GRIN2C: variants seen among roughly 807,000 people sequenced by gnomAD.
The protein encoded by GRIN2C is glutamate ionotropic receptor NMDA type subunit 2C, also known as glutamate receptor ionotropic, NMDA 2C.
In GRIN2C, 64 loss-of-function variants were observed where a neutral mutation model predicts 77.7. The observed-to-expected ratio is 0.82, with a 90% CI of 0.67 to 1.01. The LOEUF is 1.01. GRIN2C is among the 50% of genes least tolerant of loss of function. The pLI is 0.00. For synonymous variants in GRIN2C, 792 were observed against 643.4 expected (o/e 1.23, Z -3.49); for missense variants, 1,549 against 1,486.0 (o/e 1.04, Z -0.70).
chr17:74,851,060 C>G (rs1408697456), intron 4 of GRIN2C: 1 of 497,322 alleles, frequency 2.0e-6, no homozygotes, highest in Admixed American at 3.3e-5. Context: ...CCTTCATGCT[C>G]CAAACCCTTC....
intron 7 of GRIN2C, 104 bp from the exon 8 acceptor site, chr17:74,848,081 C>T: frequency 7.6e-7 from 1 of 1,316,704 alleles, no homozygotes; most frequent in Non-Finnish European, 1.1e-6. Flanking sequence ...AAGTAGGGGC[C>T]CACCAGCTCT....
At position 74,852,364 on chromosome 17, in the gene GRIN2C, A is replaced by T; in HGVS notation, c.647T>A (p.Leu216Gln). The T allele has an allele frequency of 6.9e-7, 1 of 1,451,264 alleles. No homozygotes were observed. Among genetic ancestry groups the T allele is most frequent in the Non-Finnish European group, 9.0e-7 (1 of 1,109,876 alleles). The allele number at this position is 1,451,264 out of a possible 1,614,324, so 89.9% of individuals were successfully genotyped here. ...GGPRARTQRLLRQLDAPVFVA... is the reference protein window; with the variant it reads ...GGPRARTQRLQRQLDAPVFVA... ...AAACACGGGCGCGTCGAGCTGGCGC[A>T]GCAGGCGCTGCGTGCGCGCGCGCGG... Residue 216 changes from leucine (L) to glutamine (Q), a missense_variant, in exon 3 of 13, where the codon CTG (leucine) becomes CAG (glutamine). This residue lies in a region of GRIN2C where 382 missense variants were observed against 360.0 expected (regional missense o/e 1.06). Coordinates refer to ENST00000293190, the MANE Select transcript of GRIN2C (RefSeq NM_000835.6).
intron 4 of GRIN2C, chr17:74,851,007 C>A (rs1276291618): frequency 1.7e-6 from 1 of 578,778 alleles, no homozygotes; most frequent in Non-Finnish European, 3.1e-6. Context: ...TGTACTGGTC[C>A]CCCCTGACTT....
rs764397859 is a variant in GRIN2C, at chr17:74,854,971, G to A, written c.122C>T (p.Pro41Leu). 1.7e-5 allele frequency: 27 copies of A among 1,611,042 alleles called. No homozygotes were observed. Among genetic ancestry groups the A allele is most frequent in the East Asian group, 1.3e-4 (6 of 44,882 alleles). Residue 41 changes from proline to leucine, a missense_variant, in exon 2 of 13, where the codon CCG (proline) becomes CTG (leucine). Physicochemically the swap from Pro to Leu is moderately conservative, Grantham distance 98. This residue lies in a region of GRIN2C where 382 missense variants were observed against 360.0 expected (regional missense o/e 1.06). Transcript: ENST00000293190. The part of the protein sequence containing the change: ...TVAVVFSSSG[P>L]PQAQFRARLT... ...GCGGGCACGGAACTGGGCCTGGGGC[G>A]GCCCTGAGCTGCTAAACACCACGGC...
rs1038920513 is a variant in GRIN2C at position 74,846,182 on chromosome 17, A to G, written c.2234T>C (p.Leu745Pro). 50 of 1,614,086 alleles carry G rather than the reference A, an allele frequency of 3.1e-5. No individual in the cohort carries two copies. The highest frequency in any genetic ancestry group is 3.9e-5 in the Non-Finnish European group (46 of 1,180,020). Residue 745 changes from leucine to proline, a missense_variant, in exon 11 of 13, where the codon CTG becomes CCG. Physicochemically the swap from Leu to Pro is moderately conservative, Grantham distance 98. Around this residue, in one of 3 missense-constraint regions of GRIN2C, gnomAD observed 717 missense variants for 858.1 expected, o/e 0.84. Transcript: ENST00000293190. The surrounding 1 kb of genome is among the most constrained non-coding windows in gnomAD (Gnocchi z 4.4). ...YMAGKDEGCKLVTIGSGKVFA... is the reference protein window; with the variant it reads ...YMAGKDEGCKPVTIGSGKVFA... ...GACCTTGCCAGACCCAATGGTGACC[A>G]GCTTGCAGCCCTCGTCCTTGCCTGC...
chr17:74,858,467 G>A (rs2037874853), intron 1 of GRIN2C, among the ~76,000 whole-genome samples: 1 of 151,960 alleles, frequency 6.6e-6, no homozygotes, highest in African/African-American at 2.4e-5. Context: ...TAAGTCCCTG[G>A]GCTCCAAATA....
Position 74,852,138 on chromosome 17 carries a change from G to A in GRIN2C, c.873C>T (p.Asp291=), listed in dbSNP as rs1172282414. The A allele has an allele frequency of 6.9e-7, 1 of 1,457,140 alleles. No individual in the cohort carries two copies. Among genetic ancestry groups the A allele is most frequent in the Non-Finnish European group, 9.0e-7 (1 of 1,105,708 alleles). 90.3% of individuals were successfully genotyped at this position (1,457,140 alleles called of 1,614,324 possible). The change falls in exon 3 of 13, where the codon GAC becomes GAT. Residue 291 remains aspartate, a synonymous_variant. Transcript: ENST00000293190. ...CGCCCAGGGCCAGAATGGCCACGCC[G>A]TCGCGCACCTTCTGGCGCAGGCTGA... ...WRLSLRQKVR[D]GVAILALGAH...
In GRIN2C at chr17:74,851,623, G is replaced by A. The variant is rs868231916; in HGVS notation, c.1067C>T (p.Pro356Leu). 3.8e-6 allele frequency: 6 copies of A among 1,570,636 alleles called. No homozygotes were observed. The highest frequency in any genetic ancestry group is 4.3e-6 in the Non-Finnish European group (5 of 1,156,592). The change falls in exon 4 of 13, where the codon CCC becomes CTC. Residue 356 changes from proline to leucine, a missense_variant. Coordinates refer to ENST00000293190, the MANE Select transcript of GRIN2C (RefSeq NM_000835.6). ...SFSPGGYLVQ[P>L]TMVVIALNRH... Reference sequence around the variant, plus strand: ...GTTGAGGGCGATCACCACCATGGTGGGCTGGACCAGGTACCCACCAGGGCT... The same window carrying A: ...GTTGAGGGCGATCACCACCATGGTGAGCTGGACCAGGTACCCACCAGGGCT...
At chr17:74,854,349 T>A (rs569970495) in intron 2 of GRIN2C, 1 of 248,374 alleles carries the variant, frequency 4.0e-6, no homozygotes, top group Non-Finnish European at 7.7e-6. Flanking sequence ...CCAGAGGGCA[T>A]GGCACCACCT....
chr17:74,846,882 G>T lies in GRIN2C; in HGVS notation c.2040C>A (p.Phe680Leu). Residue 680 changes from phenylalanine to leucine, a missense_variant, in exon 10 of 13, where the codon TTC (phenylalanine) becomes TTA (leucine). Physicochemically the swap from Phe to Leu is conservative, Grantham distance 22. Coordinates refer to ENST00000293190, the MANE Select transcript of GRIN2C (RefSeq NM_000835.6). The surrounding 1 kb of genome is among the most constrained non-coding windows in gnomAD (Gnocchi z 4.4). ...RPQDQYPPFR[F>L]GTVPNGSTER... ...CCGTGCTGCCGTTGGGCACCGTGCC[G>T]AAGCGGAAAGGTGGGTACTGATCTT... 1 of 1,614,002 alleles carries T rather than the reference G, an allele frequency of 6.2e-7. No individual in the cohort carries two copies. Among genetic ancestry groups the T allele is most frequent in the Non-Finnish European group, 8.5e-7 (1 of 1,179,964 alleles).
Position 74,842,805 on chromosome 17 carries a change from T to A in GRIN2C, c.3332A>T (p.His1111Leu). 1 of 575,132 alleles carries A rather than the reference T, an allele frequency of 1.7e-6. No individual in the cohort carries two copies. Among genetic ancestry groups the A allele is most frequent in the Non-Finnish European group, 3.1e-6 (1 of 324,904 alleles). 35.6% of individuals were successfully genotyped at this position (575,132 alleles called of 1,614,324 possible). A position where few individuals can be genotyped will look rare whatever the true frequency, so the allele number is the denominator to read the frequency against. ...TGPACARPDG[H>L]SACRRLAQAQ... ...CTGCGCCAAGCGCCTGCAGGCCGAGTGGCCGTCGGGGCGGGCGCAGGCGGG... is the reference window on the plus strand; with the variant it reads ...CTGCGCCAAGCGCCTGCAGGCCGAGAGGCCGTCGGGGCGGGCGCAGGCGGG... The change falls in exon 13 of 13, where the codon CAC (histidine) becomes CTC (leucine). Residue 1111 changes from histidine (H) to leucine (L), a missense_variant. His to Leu is a moderately conservative substitution (Grantham distance 99). Around this residue, in one of 3 missense-constraint regions of GRIN2C, gnomAD observed 450 missense variants for 267.9 expected, o/e 1.68. Coordinates refer to ENST00000293190, the MANE Select transcript of GRIN2C (RefSeq NM_000835.6).
intron 2 of GRIN2C, 41 bp from the exon 3 acceptor site, chr17:74,852,652 C>A (rs2037700186): frequency 1.1e-6 from 1 of 929,702 alleles, no homozygotes; most frequent in Non-Finnish European, 1.5e-6. Context: ...GAGGGCCGAG[C>A]CCCTCCTCCC....
rs2037339508 is a variant in GRIN2C at position 74,842,966 on chromosome 17, C to T, written c.3171G>A (p.Pro1057=). The T allele has an allele frequency of 1.9e-6, 1 of 534,256 alleles. No individual in the cohort carries two copies. The highest frequency in any genetic ancestry group is 3.2e-6 in the Non-Finnish European group (1 of 307,732). The allele number at this position is 534,256 out of a possible 1,614,324, so 33.1% of individuals were successfully genotyped here. A position where few individuals can be genotyped will look rare whatever the true frequency, so the allele number is the denominator to read the frequency against. The change falls in exon 13 of 13, where the codon CCG becomes CCA. Residue 1057 remains proline (P), a synonymous_variant. Transcript: ENST00000293190. ...GGGCCTCCCGCCGGGCCAGCTGCTC[C>T]GGACCGAGCAGCGGCAGGTCCTCCA... The part of the protein sequence containing the change: ...PELEDLPLLG[P]EQLARREALL...
chr17:74,849,045 G>A lies in GRIN2C; in HGVS notation c.1645+735C>T, dbSNP rs1194262498. ...AAAAAAAAAGGAAGGAAAGAAGAAA[G>A]GAAGAGTGGGAAGGAGAGAGGGAGG... On this transcript the variant is annotated intron_variant, in intron 7 of 12. Transcript: ENST00000293190. The surrounding 1 kb of genome is among the most constrained non-coding windows in gnomAD (Gnocchi z 4.6). Among the ~76,000 whole-genome samples the A allele has an allele frequency of 6.6e-6, 1 of 151,334 alleles. No individual in the cohort carries two copies. Among genetic ancestry groups the A allele is most frequent in the African/African-American group, 2.4e-5 (1 of 41,316 alleles).
chr17:74,854,675 C>T lies in GRIN2C; in HGVS notation c.399+19G>A. The T allele has an allele frequency of 6.3e-7, 1 of 1,594,354 alleles. No homozygotes were observed. The highest frequency in any genetic ancestry group is 8.6e-7 in the Non-Finnish European group (1 of 1,164,394). On this transcript the variant is annotated intron_variant, in intron 2 of 12. Coordinates refer to ENST00000293190, the MANE Select transcript of GRIN2C (RefSeq NM_000835.6). ...GTTCCAGGCCTGAGGCACGAGGGGACATGAGTTTGGACATGCACCTTGGGG... is the reference window on the plus strand; with the variant it reads ...GTTCCAGGCCTGAGGCACGAGGGGATATGAGTTTGGACATGCACCTTGGGG...
Position 74,843,019 on chromosome 17 carries a change from G to A in GRIN2C, c.3118C>T (p.Arg1040Cys), listed in dbSNP as rs2037343692. Residue 1040 changes from arginine to cysteine, a missense_variant, in exon 13 of 13, where the codon CGC becomes TGC. By Grantham distance (180) the Arg-to-Cys change is radical. Transcript: ENST00000293190. ...TCCGGGAAGAGCGGGAGGAAGGGGC[G>A]GCCGGATCGGTCGGCTCGAGGAAAG... The part of the protein sequence containing the change: ...SSFPRADRSG[R>C]PFLPLFPELE... The A allele has an allele frequency of 2.0e-6, 1 of 493,582 alleles. No individual in the cohort carries two copies. The allele number at this position is 493,582 out of a possible 1,614,324, so 30.6% of individuals were successfully genotyped here.
chr17:74,850,883 C>G lies in GRIN2C; in HGVS notation c.1114-116G>C, dbSNP rs2037621417. On this transcript the variant is annotated intron_variant, in intron 4 of 12. Transcript: ENST00000293190. This position sits in a 1 kb window ranked among gnomAD's most constrained non-coding sequence, Gnocchi z 5.3. ...CTCACCTAGGGATGCTGGGGCAGGT[C>G]AGAGTAGGGCTGCTCCCAACAGCCT... 2 of 846,376 alleles carry G rather than the reference C, an allele frequency of 2.4e-6. No homozygotes were observed. The highest frequency in any genetic ancestry group is 3.8e-6 in the Non-Finnish European group (2 of 526,888). The allele number at this position is 846,376 out of a possible 1,614,324, so 52.4% of individuals were successfully genotyped here.
chr17:74,842,658 C>T lies in GRIN2C; in HGVS notation c.3479G>A (p.Cys1160Tyr), dbSNP rs1015107824. Residue 1160 changes from cysteine (C) to tyrosine (Y), a missense_variant, in exon 13 of 13, where the codon TGC becomes TAC. Coordinates refer to ENST00000293190, the MANE Select transcript of GRIN2C (RefSeq NM_000835.6). ...AAGGTGAGGACAGACAGCCCCCCAG[C>T]AAAATGGCAGGTGGGCGTGGGCGTG... ...CLHAHAHLPF[C>Y]WGAVCPHLPP... The T allele has an allele frequency of 6.7e-6, 5 of 747,302 alleles. No homozygotes were observed. The Admixed American group carries it at 7.4e-5, about 11-fold the overall frequency. 46.3% of individuals were successfully genotyped at this position (747,302 alleles called of 1,614,324 possible).
Position 74,844,471 on chromosome 17 carries a change from C to T in GRIN2C, c.2388G>A (p.Gly796=). ...CCTCGTTCTTCTCATTCTGGCAGAT[C>T]CCTGAGAGCCACACTGTCTCCAGTT... The part of the protein sequence containing the change: ...TQKLETVWLS[G]ICQNEKNEVM... Residue 796 remains glycine (G), a synonymous_variant, in exon 12 of 13, where the codon GGG becomes GGA. Coordinates refer to ENST00000293190, the MANE Select transcript of GRIN2C (RefSeq NM_000835.6). 1.9e-6 allele frequency: 3 copies of T among 1,614,208 alleles called. No individual in the cohort carries two copies. Among genetic ancestry groups the T allele is most frequent in the Non-Finnish European group, 2.5e-6 (3 of 1,180,036 alleles).
Sources: allele counts gnomAD v4.1 joint callset (sites outside exome capture counted in the v4.1 genomes callset), GRCh38; gene constraint gnomAD v4.1.1; regional missense constraint gnomAD v4.1.1; non-coding constraint Gnocchi (gnomAD v3.1); transcripts MANE v1.5; gene names NCBI Gene and HGNC (gene_info 2026-07-23, HGNC 2026-07-21).